Variants in ZNF407 observed in about 807,000 individuals in gnomAD.
ZNF407 encodes zinc finger protein 407.
Under a neutral mutation model 131.2 loss-of-function variants are expected in ZNF407, and 17 were observed. That is an observed-to-expected ratio of 0.13 (90% CI 0.09 to 0.19). The LOEUF (loss-of-function observed/expected upper bound fraction) is 0.19, where lower values mean the gene tolerates loss of function less well. Ranked by LOEUF, ZNF407 falls within the 10% of genes least tolerant of loss-of-function variation. The pLI is 1.00. For missense variants in ZNF407, 2,681 were observed against 2,830.6 expected (o/e 0.95, Z 1.20); for synonymous variants, 1,156 against 1,062.0 (o/e 1.09, Z -1.72).
intron 3 of ZNF407, among the ~76,000 whole-genome samples, chr18:74,726,055 G>T (rs547538082): frequency 6.6e-6 from 1 of 152,146 alleles, no homozygotes; most frequent in Non-Finnish European, 1.5e-5. Flanking sequence ...TGTAGGGGGC[G>T]ATGGTTAAAT....
At chr18:74,994,745 C>T (rs1363604775) in intron 8 of ZNF407, among the ~76,000 whole-genome samples, 1 of 152,098 alleles carries the variant, frequency 6.6e-6, no homozygotes, top group Admixed American at 6.6e-5. Context: ...CACTCAGGAC[C>T]CAGCGACAGG....
intron 3 of ZNF407, among the ~76,000 whole-genome samples, chr18:74,644,874 T>C (rs1299640633): frequency 1.3e-5 from 2 of 151,994 alleles, no homozygotes; most frequent in African/African-American, 2.4e-5. Context: ...TGTACTTTTT[T>C]TTTCTCTCTA....
intron 4 of ZNF407, among the ~76,000 whole-genome samples, chr18:74,855,461 T>C (rs1970846459): frequency 6.6e-6 from 1 of 152,242 alleles, no homozygotes; most frequent in Non-Finnish European, 1.5e-5. Context: ...TTAAATCCAA[T>C]ATCCAATATT....
chr18:74,825,522 A>G (rs964132001), intron 4 of ZNF407, among the ~76,000 whole-genome samples: 3 of 152,218 alleles, frequency 2.0e-5, no homozygotes. Flanking sequence ...ATGTATTTTT[A>G]AATATGGTTT....
chr18:74,647,410 C>T (rs988251498), intron 3 of ZNF407, among the ~76,000 whole-genome samples: 4 of 152,100 alleles, frequency 2.6e-5, no homozygotes, highest in African/African-American at 9.7e-5. Flanking sequence ...TGCCACTGCC[C>T]TCCAGCCTGG....
At chr18:74,991,004 G>C (rs1972711754) in intron 8 of ZNF407, among the ~76,000 whole-genome samples, 1 of 152,196 alleles carries the variant, frequency 6.6e-6, no homozygotes. Flanking sequence ...TGAAATCGGA[G>C]AAGTTCAGAG....
At chr18:74,939,820 T>C (rs1408952477) in intron 8 of ZNF407, among the ~76,000 whole-genome samples, 1 of 152,220 alleles carries the variant, frequency 6.6e-6, no homozygotes, top group Non-Finnish European at 1.5e-5. Context: ...TCTTTTCCAG[T>C]TAAGATATTG....
At chr18:74,895,778 A>G (rs1252109702) in intron 7 of ZNF407, among the ~76,000 whole-genome samples, 1 of 152,200 alleles carries the variant, frequency 6.6e-6, no homozygotes, top group African/African-American at 2.4e-5. Context: ...AGAATTCAGT[A>G]TACAATGGGA....
At chr18:74,912,748 G>A (rs191093330) in intron 7 of ZNF407, among the ~76,000 whole-genome samples, 1 of 152,186 alleles carries the variant, frequency 6.6e-6, no homozygotes, top group Non-Finnish European at 1.5e-5. Context: ...ATCAACATTT[G>A]CTTTCACAAC....
chr18:74,943,571 G>A (rs1344594105), intron 8 of ZNF407, among the ~76,000 whole-genome samples: 1 of 152,208 alleles, frequency 6.6e-6, no homozygotes, highest in African/African-American at 2.4e-5. Context: ...GATATTAAGA[G>A]TTTAGTTTTG....
chr18:74,998,002 C>G (rs1224086404), intron 8 of ZNF407, among the ~76,000 whole-genome samples: 1 of 152,142 alleles, frequency 6.6e-6, no homozygotes, highest in African/African-American at 2.4e-5. Flanking sequence ...TCTTGTGCAG[C>G]CTTTGCAGCA....
intron 3 of ZNF407, among the ~76,000 whole-genome samples, chr18:74,675,408 A>G (rs1986313402): frequency 6.6e-6 from 1 of 152,212 alleles, no homozygotes; most frequent in East Asian, 1.9e-4. Flanking sequence ...CTTAAGCAGT[A>G]TCCTCCCTCA....
At chr18:74,912,789 T>G (rs965546380) in intron 7 of ZNF407, among the ~76,000 whole-genome samples, 5 of 151,850 alleles carry the variant, frequency 3.3e-5, no homozygotes, top group Non-Finnish European at 7.4e-5. Flanking sequence ...AGAAAAAAAA[T>G]GAAACTGAAG....
At position 74,845,439 on chromosome 18, in the gene ZNF407, C is replaced by A. The variant is rs1011566641; in HGVS notation, c.4878-31758C>A. Among the ~76,000 whole-genome samples the A allele has an allele frequency of 5.5e-4, 84 of 152,230 alleles. 1 individual carries two copies. The highest frequency in any genetic ancestry group is 3.4e-3 in the Middle Eastern group (1 of 294). On this transcript the variant is annotated intron_variant, in intron 4 of 8. Transcript: ENST00000299687. ...TCTAAACATAAAAGAATTATTTAAC[C>A]TTTTTCATTATAGTAAGGATTATTG...
At chr18:74,995,175 T>C (rs1450965628) in intron 8 of ZNF407, among the ~76,000 whole-genome samples, 1 of 152,126 alleles carries the variant, frequency 6.6e-6, no homozygotes, top group Non-Finnish European at 1.5e-5. Context: ...TAAAGGACAG[T>C]GGAGCTAGAT....
intron 8 of ZNF407, among the ~76,000 whole-genome samples, chr18:74,934,170 T>G (rs1042440235): frequency 6.6e-6 from 1 of 152,174 alleles, no homozygotes; most frequent in Non-Finnish European, 1.5e-5. Flanking sequence ...TTGTGAAAAA[T>G]TATAATTTTA....
At chr18:74,619,998 T>A (rs1347580689) in intron 1 of ZNF407, among the ~76,000 whole-genome samples, 2 of 146,362 alleles carry the variant, frequency 1.4e-5, no homozygotes, top group East Asian at 4.1e-4. Context: ...TTCCTTTCCT[T>A]TGTCCCCTTT....
intron 3 of ZNF407, among the ~76,000 whole-genome samples, chr18:74,678,435 C>T (rs1309583865): frequency 6.6e-6 from 1 of 152,174 alleles, no homozygotes; most frequent in Non-Finnish European, 1.5e-5. Flanking sequence ...ATTGGCCTGC[C>T]TGCAACCCCA....
intron 8 of ZNF407, among the ~76,000 whole-genome samples, chr18:75,029,126 A>G (rs995285293): frequency 6.6e-6 from 1 of 152,068 alleles, no homozygotes; most frequent in Non-Finnish European, 1.5e-5. Context: ...TTTTAGTTTG[A>G]CCTGAAAATT....
Sources: gnomAD v4.1 joint callset for allele counts (sites outside exome capture counted in the v4.1 genomes callset) on GRCh38, gnomAD v4.1.1 for gene constraint, MANE v1.5 for transcripts, NCBI Gene and HGNC (gene_info 2026-07-23, HGNC 2026-07-21) for gene names.